MIER1: variants seen among roughly 807,000 people sequenced by gnomAD.
MIER1 encodes mesoderm induction early response protein 1.
In MIER1, 40 loss-of-function variants were observed where a neutral mutation model predicts 75.7. The ratio of observed to expected loss-of-function variants is 0.53; its 90% CI spans 0.41 to 0.69. The LOEUF is 0.69. MIER1 is among the 30% of genes least tolerant of loss of function. The probability of loss-of-function intolerance (pLI) is 0.00; values close to 1 mark genes in which losing one functional copy is unlikely to be tolerated. For missense variants in MIER1, 574 were observed against 680.2 expected (o/e 0.84, Z 1.74); for synonymous variants, 213 against 223.4 (o/e 0.95, Z 0.42).
chr1:66,944,640 T>C (rs2101430714), intron 3 of MIER1, among the ~76,000 whole-genome samples: 1 of 152,182 alleles, frequency 6.6e-6, no homozygotes, highest in African/African-American at 2.4e-5. Context: ...TTAATAAATT[T>C]TGCTCTTCTA....
At chr1:66,976,241 A>T (rs1372195416) in intron 11 of MIER1, among the ~76,000 whole-genome samples, 1 of 150,176 alleles carries the variant, frequency 6.7e-6, no homozygotes. Context: ...TGACCTCGTG[A>T]TCCACCCCCC....
chr1:66,967,898 C>T (rs931622629), intron 8 of MIER1, among the ~76,000 whole-genome samples: 4 of 151,788 alleles, frequency 2.6e-5, no homozygotes, highest in African/African-American at 7.3e-5. Context: ...TTTTTTGTGG[C>T]GTCTTTAGGT....
chr1:66,936,727 G>A (rs895272595), intron 2 of MIER1, among the ~76,000 whole-genome samples: 4 of 151,966 alleles, frequency 2.6e-5, no homozygotes, highest in Non-Finnish European at 5.9e-5. Flanking sequence ...GAGGCCGGGT[G>A]CGGTGGCTCA....
At chr1:66,955,907 T>G (rs1660033756) in intron 4 of MIER1, among the ~76,000 whole-genome samples, 1 of 152,196 alleles carries the variant, frequency 6.6e-6, no homozygotes, top group Non-Finnish European at 1.5e-5. Context: ...CTGGGTATTA[T>G]AATAAAGTAT....
At chr1:66,960,346 T>G (rs560298432) in intron 7 of MIER1, among the ~76,000 whole-genome samples, 44 of 152,308 alleles carry the variant, frequency 2.9e-4, no homozygotes, top group Middle Eastern at 3.4e-3. Context: ...GAAACAGATT[T>G]GGCTTCTTCG....
chr1:66,957,255 C>A (rs988452968), intron 4 of MIER1, among the ~76,000 whole-genome samples: 2 of 152,116 alleles, frequency 1.3e-5, no homozygotes, highest in Admixed American at 6.6e-5. Context: ...ATGGACATTT[C>A]TTTTTCATCC....
intron 8 of MIER1, among the ~76,000 whole-genome samples, chr1:66,966,701 T>G (rs985339985): frequency 2.0e-5 from 3 of 152,198 alleles, no homozygotes; most frequent in African/African-American, 7.2e-5. Flanking sequence ...GCACCTGTTG[T>G]TTCCTGACTT....
chr1:66,946,050 C>A, intron 3 of MIER1, 100 bp from the exon 4 acceptor site: 1 of 1,139,856 alleles, frequency 8.8e-7, no homozygotes, highest in South Asian at 1.7e-5. Context: ...TTTCTTGGTA[C>A]TTTTGACTTA....
chr1:66,978,843 G>C (rs1420910224), intron 12 of MIER1, among the ~76,000 whole-genome samples: 1 of 152,066 alleles, frequency 6.6e-6, no homozygotes, highest in Non-Finnish European at 1.5e-5. Flanking sequence ...GGTTAGGTAG[G>C]GATGTGCCAC....
chr1:66,971,866 C>G (rs1281380210), intron 10 of MIER1, 130 bp downstream of exon 10: 2 of 512,038 alleles, frequency 3.9e-6, no homozygotes, highest in East Asian at 6.5e-5. Context: ...TACAAAATAC[C>G]AAGTATTACT....
intron 4 of MIER1, among the ~76,000 whole-genome samples, chr1:66,954,239 T>C (rs1267677014): frequency 3.3e-5 from 5 of 152,160 alleles, no homozygotes; most frequent in African/African-American, 1.2e-4. Flanking sequence ...TAAGTTCACG[T>C]TGAGTGTTTT....
intron 4 of MIER1, among the ~76,000 whole-genome samples, chr1:66,956,368 C>T (rs1371272172): frequency 6.6e-6 from 1 of 152,188 alleles, no homozygotes; most frequent in Non-Finnish European, 1.5e-5. Context: ...GAGCAGTGAT[C>T]ATGCCACTGC....
intron 4 of MIER1, among the ~76,000 whole-genome samples, chr1:66,951,321 G>T (rs1658888649): frequency 6.6e-6 from 1 of 152,102 alleles, no homozygotes; most frequent in Non-Finnish European, 1.5e-5. Flanking sequence ...TAGAGATGGG[G>T]TCTTGCTCTG....
intron 1 of MIER1, chr1:66,925,422 A>T (rs1186985262): frequency 3.0e-6 from 3 of 985,254 alleles, no homozygotes; most frequent in Admixed American, 6.1e-5. Context: ...CCCTGATCCC[A>T]GTCGGGGTGG....
intron 9 of MIER1, among the ~76,000 whole-genome samples, chr1:66,971,432 C>T (rs1229647138): frequency 6.6e-6 from 1 of 151,944 alleles, no homozygotes; most frequent in Non-Finnish European, 1.5e-5. Context: ...ACTATGGCCA[C>T]CAAGTTTATG....
chr1:66,944,515 ATT>A (rs1657021748), intron 3 of MIER1, among the ~76,000 whole-genome samples: 1 of 151,492 alleles, frequency 6.6e-6, no homozygotes, highest in Non-Finnish European at 1.5e-5. Flanking sequence ...GCATTCTACT[ATT>A]ACAAAGCTTG....
intron 6 of MIER1, 72 bp downstream of exon 6, chr1:66,959,055 T>A: frequency 8.0e-7 from 1 of 1,250,492 alleles, no homozygotes; most frequent in Admixed American, 2.0e-5. Context: ...ATCCTCTTTT[T>A]TAAACTGGTC....
intron 5 of MIER1, 145 bp downstream of exon 5, chr1:66,958,365 AT>A: frequency 1.8e-6 from 1 of 551,592 alleles, no homozygotes; most frequent in Middle Eastern, 5.2e-4. Context: ...AATACATAAT[AT>A]AAAAATTGGA....
intron 3 of MIER1, among the ~76,000 whole-genome samples, chr1:66,945,711 A>G (rs1040645919): frequency 2.0e-5 from 3 of 152,162 alleles, no homozygotes; most frequent in Non-Finnish European, 4.4e-5. Flanking sequence ...AAAAAATATT[A>G]AAAAATTAGC....
Sources: gnomAD v4.1 joint callset for allele counts (sites outside exome capture counted in the v4.1 genomes callset) on GRCh38, gnomAD v4.1.1 for gene constraint, MANE v1.5 for transcripts, NCBI Gene and HGNC (gene_info 2026-07-23, HGNC 2026-07-21) for gene names.